ATP6V1E1: variants seen among roughly 807,000 people sequenced by gnomAD.
The protein encoded by ATP6V1E1 is V-type proton ATPase subunit E 1.
ATP6V1E1 carries 21 observed loss-of-function variants against 35.2 expected under a neutral mutation model. The observed-to-expected ratio is 0.60, with a 90% CI of 0.42 to 0.86. ATP6V1E1 has a LOEUF of 0.86. Ranked by LOEUF, ATP6V1E1 falls within the 40% of genes least tolerant of loss-of-function variation. ATP6V1E1 has a pLI of 0.00. For synonymous variants in ATP6V1E1, 83 were observed against 87.8 expected, an observed-to-expected ratio of 0.95 and a Z score of 0.30; for missense variants, 183 against 272.6, an observed-to-expected ratio of 0.67 and a Z score of 2.32.
chr22:17,603,864 G>A (rs975385303), intron 4 of ATP6V1E1, among the ~76,000 whole-genome samples: 1 of 152,108 alleles, frequency 6.6e-6, no homozygotes, highest in Admixed American at 6.6e-5. Flanking sequence ...TTTCCTCTCT[G>A]TGCTGGAATC....
At chr22:17,598,661 A>G (rs1343773713) in intron 6 of ATP6V1E1, among the ~76,000 whole-genome samples, 2 of 152,164 alleles carry the variant, frequency 1.3e-5, no homozygotes, top group East Asian at 1.9e-4. Flanking sequence ...TGCTGGCATG[A>G]GCTTCAACTG....
At chr22:17,597,817 G>C (rs1276576986) in intron 7 of ATP6V1E1, among the ~76,000 whole-genome samples, 1 of 152,042 alleles carries the variant, frequency 6.6e-6, no homozygotes, top group Non-Finnish European at 1.5e-5. Flanking sequence ...TTTTAGTAGA[G>C]ACAGGACTGG....
chr22:17,609,098 A>AC (rs1181142773), intron 4 of ATP6V1E1, among the ~76,000 whole-genome samples: 1 of 105,638 alleles, frequency 9.5e-6, no homozygotes, highest in Non-Finnish European at 2.0e-5. Flanking sequence ...GTCTCAAAAA[A>AC]CAAAACAAAA....
At chr22:17,620,393 C>T (rs551563981) in intron 1 of ATP6V1E1, among the ~76,000 whole-genome samples, 108 of 151,986 alleles carry the variant, frequency 7.1e-4, no homozygotes, top group Non-Finnish European at 1.2e-3. Context: ...GTGATCCGCC[C>T]GCCTCAGCCT....
chr22:17,594,147 A>G (rs973688654), intron 8 of ATP6V1E1, among the ~76,000 whole-genome samples: 2 of 152,258 alleles, frequency 1.3e-5, no homozygotes, highest in Non-Finnish European at 2.9e-5. Context: ...AGTTGCAGTG[A>G]GCCAAGACTG....
At chr22:17,595,447 C>A (rs1196351952) in intron 7 of ATP6V1E1, among the ~76,000 whole-genome samples, 1 of 152,216 alleles carries the variant, frequency 6.6e-6, no homozygotes, top group Admixed American at 6.5e-5. Flanking sequence ...GTTTGCAAAT[C>A]ACTCAATCCT....
chr22:17,593,987 G>A (rs2057717957), intron 8 of ATP6V1E1, among the ~76,000 whole-genome samples: 1 of 152,182 alleles, frequency 6.6e-6, no homozygotes, highest in African/African-American at 2.4e-5. Flanking sequence ...TGGATCACCT[G>A]AGGTCAGGAA....
chr22:17,608,059 C>T (rs971536991), intron 4 of ATP6V1E1, among the ~76,000 whole-genome samples: 1 of 152,180 alleles, frequency 6.6e-6, no homozygotes, highest in African/African-American at 2.4e-5. Flanking sequence ...TATCCCATGA[C>T]TAATACTTCA....
chr22:17,599,441 T>C (rs1329521420), intron 6 of ATP6V1E1, among the ~76,000 whole-genome samples: 1 of 149,240 alleles, frequency 6.7e-6, no homozygotes, highest in Non-Finnish European at 1.5e-5. Flanking sequence ...CCAGGCATGG[T>C]GGTGCATGCC....
At chr22:17,601,440 C>T (rs184418803) in intron 4 of ATP6V1E1, among the ~76,000 whole-genome samples, 2 of 152,206 alleles carry the variant, frequency 1.3e-5, no homozygotes, top group East Asian at 1.9e-4. Context: ...GAAACCGACA[C>T]AAGTGACTGA....
chr22:17,617,704 G>A (rs2057853813), intron 2 of ATP6V1E1, among the ~76,000 whole-genome samples: 1 of 152,216 alleles, frequency 6.6e-6, no homozygotes, highest in African/African-American at 2.4e-5. Context: ...CATAAGCAAT[G>A]TACAACTGGA....
At chr22:17,623,606 G>A (rs1041589190) in intron 1 of ATP6V1E1, among the ~76,000 whole-genome samples, 9 of 151,768 alleles carry the variant, frequency 5.9e-5, no homozygotes, top group Non-Finnish European at 1.5e-5. Flanking sequence ...GGGAGGTGGA[G>A]GTTGCAGCAA....
At position 17,623,436 on chromosome 22, in the gene ATP6V1E1, G is replaced by T. The variant is rs1472039400; in HGVS notation, c.34-3910C>A. ...GCCTGTAATCCCAGCACTTTGGGAG[G>T]CCAATCCGGGTGGATCACGAGGTCA... is the stretch of plus-strand genomic sequence containing the variant. On this transcript the variant is annotated intron_variant, in intron 1 of 8. Transcript: ENST00000253413. Among the ~76,000 whole-genome samples, 5 of 152,234 alleles carry T rather than the reference G, an allele frequency of 3.3e-5. No individual in the cohort carries two copies. In the South Asian group the frequency reaches 1.0e-3, roughly 32 times the overall value.
intron 2 of ATP6V1E1, among the ~76,000 whole-genome samples, chr22:17,615,077 C>T (rs369414955): frequency 3.3e-5 from 5 of 151,790 alleles, no homozygotes; most frequent in East Asian, 1.9e-4. Flanking sequence ...CTGAGGCAGG[C>T]GGATCACAAG....
intron 1 of ATP6V1E1, among the ~76,000 whole-genome samples, chr22:17,625,739 C>T (rs1441145821): frequency 6.6e-6 from 1 of 152,038 alleles, no homozygotes; most frequent in Non-Finnish European, 1.5e-5. Context: ...AATCTATCGG[C>T]AATATGATTA....
intron 4 of ATP6V1E1, among the ~76,000 whole-genome samples, chr22:17,608,097 A>ATGTATTATCT (rs2057795300): frequency 6.6e-6 from 1 of 152,136 alleles, no homozygotes; most frequent in African/African-American, 2.4e-5. Context: ...TGTAGTGGAG[A>ATGTATTATCT]TGTATTATCT....
chr22:17,594,304 G>A (rs533481849), intron 8 of ATP6V1E1, among the ~76,000 whole-genome samples: 2 of 152,068 alleles, frequency 1.3e-5, no homozygotes, highest in Admixed American at 6.6e-5. Context: ...GTACATATTC[G>A]AATCCTAGGT....
chr22:17,622,962 G>A lies in ATP6V1E1; in HGVS notation c.34-3436C>T, dbSNP rs186888463. Among the ~76,000 whole-genome samples the A allele has an allele frequency of 2.6e-3, 396 of 152,074 alleles. 3 individuals are homozygous for A. Among genetic ancestry groups the A allele is most frequent in the African/African-American group, 9.2e-3 (381 of 41,516 alleles). On this transcript the variant is annotated intron_variant, in intron 1 of 8. Coordinates refer to ENST00000253413, the MANE Select transcript of ATP6V1E1 (RefSeq NM_001696.4). ...GCCTGGGCAAGAAGAGCGAAACTCC[G>A]TCTCAAAAAAAACAAAACAAAATGA...
intron 1 of ATP6V1E1, among the ~76,000 whole-genome samples, chr22:17,626,900 C>G (rs1327592679): frequency 2.6e-5 from 4 of 152,074 alleles, no homozygotes; most frequent in African/African-American, 7.2e-5. Flanking sequence ...GTCTTGAACT[C>G]CTGGGATCAA....
Sources: allele counts gnomAD v4.1 joint callset (sites outside exome capture counted in the v4.1 genomes callset), GRCh38; gene constraint gnomAD v4.1.1; transcripts MANE v1.5; gene names NCBI Gene and HGNC (gene_info 2026-07-23, HGNC 2026-07-21).